Variants in GALNT13 observed in about 807,000 individuals in gnomAD.
The protein encoded by GALNT13 is UDP-GalNAc:polypeptide N-acetylgalactosaminyltransferase 13.
A neutral mutation model predicts 64.2 loss-of-function variants in GALNT13; 28 were observed. The ratio of observed to expected loss-of-function variants is 0.44; its 90% CI spans 0.32 to 0.60. The LOEUF (loss-of-function observed/expected upper bound fraction) is 0.60. GALNT13 is among the 20% of genes least tolerant of loss of function. GALNT13 has a pLI of 0.05. For synonymous variants in GALNT13, 214 were observed against 224.6 expected (o/e 0.95, Z 0.42); for missense variants, 577 against 669.8 (o/e 0.86, Z 1.53).
the GALNT13 span, among the ~76,000 whole-genome samples, chr2:153,733,287 A>T: frequency 6.6e-6 from 1 of 152,180 alleles, no homozygotes; most frequent in Admixed American, 6.6e-5. Flanking sequence ...TCATGTGTCC[A>T]TCGACGTAGA....
the GALNT13 span, among the ~76,000 whole-genome samples, chr2:153,774,467 A>T: frequency 6.6e-6 from 1 of 152,224 alleles, no homozygotes; most frequent in Non-Finnish European, 1.5e-5. Context: ...CAGAATGCAG[A>T]CTTCAAGTAA....
intron 9 of GALNT13, among the ~76,000 whole-genome samples, chr2:154,309,654 G>C (rs997770883): frequency 2.6e-5 from 4 of 152,162 alleles, no homozygotes; most frequent in Non-Finnish European, 5.9e-5. Flanking sequence ...ATTCATGAGA[G>C]ATCCACTCCC....
chr2:154,327,186 C>T (rs1418572262), intron 9 of GALNT13, among the ~76,000 whole-genome samples: 1 of 152,062 alleles, frequency 6.6e-6, no homozygotes, highest in East Asian at 1.9e-4. Flanking sequence ...CTTCCTCCTT[C>T]GTTCCTTTGT....
the GALNT13 span, among the ~76,000 whole-genome samples, chr2:153,156,957 G>A: frequency 6.6e-6 from 1 of 152,124 alleles, no homozygotes; most frequent in Non-Finnish European, 1.5e-5. Context: ...TTAGAGCTCT[G>A]TGAAGTGTCT....
intron 3 of GALNT13, among the ~76,000 whole-genome samples, chr2:153,954,989 G>A (rs1001490979): frequency 1.3e-4 from 20 of 150,872 alleles, no homozygotes; most frequent in African/African-American, 3.9e-4. Context: ...CACTGACTTC[G>A]GGTAAAAAAA....
At chr2:153,931,223 C>G (rs1690496002) in intron 2 of GALNT13, among the ~76,000 whole-genome samples, 1 of 149,884 alleles carries the variant, frequency 6.7e-6, no homozygotes, top group Admixed American at 6.7e-5. Context: ...TGAAATTGTT[C>G]ATCTGATCTA....
chr2:154,047,744 T>C (rs1451098964), intron 3 of GALNT13, among the ~76,000 whole-genome samples: 3 of 152,170 alleles, frequency 2.0e-5, no homozygotes, highest in Admixed American at 6.6e-5. Context: ...TATTGTGATA[T>C]TAACTTAAAG....
At chr2:154,285,579 T>C (rs1206654381) in intron 8 of GALNT13, among the ~76,000 whole-genome samples, 1 of 152,164 alleles carries the variant, frequency 6.6e-6, no homozygotes, top group Non-Finnish European at 1.5e-5. Flanking sequence ...GTCTATGTGT[T>C]TGTTTTTATG....
At chr2:153,997,202 G>C (rs1487879268) in intron 3 of GALNT13, among the ~76,000 whole-genome samples, 1 of 151,906 alleles carries the variant, frequency 6.6e-6, no homozygotes, top group Non-Finnish European at 1.5e-5. Context: ...TCTATTTTTT[G>C]AATGAATGCC....
chr2:153,798,436 A>G, the GALNT13 span, among the ~76,000 whole-genome samples: 1 of 152,212 alleles, frequency 6.6e-6, no homozygotes, highest in African/African-American at 2.4e-5. Flanking sequence ...TCATGTTTGC[A>G]TCACTGTCCA....
chr2:154,114,502 A>T (rs72871820), intron 3 of GALNT13, among the ~76,000 whole-genome samples: 10,899 of 152,218 alleles, frequency 0.072, 471 homozygotes, highest in Middle Eastern at 0.14. Context: ...TGAAATGCCT[A>T]TCATTTCTCT....
chr2:153,478,140 C>A, the GALNT13 span: 1 of 931,600 alleles, frequency 1.1e-6, no homozygotes, highest in Non-Finnish European at 1.6e-6. Context: ...TTGACTCCGA[C>A]AGGTTTGCTT....
At chr2:154,120,756 C>T (rs142695025) in intron 3 of GALNT13, among the ~76,000 whole-genome samples, 12 of 152,174 alleles carry the variant, frequency 7.9e-5, no homozygotes, top group South Asian at 2.1e-4. Context: ...GTTAAACTTC[C>T]CACCATATTT....
At chr2:153,856,503 A>G in the GALNT13 span, among the ~76,000 whole-genome samples, 1 of 152,138 alleles carries the variant, frequency 6.6e-6, no homozygotes, top group Non-Finnish European at 1.5e-5. Flanking sequence ...AGATTATCCA[A>G]ATGTTTCAAT....
intron 8 of GALNT13, among the ~76,000 whole-genome samples, chr2:154,300,847 C>T (rs903733613): frequency 6.6e-6 from 1 of 152,090 alleles, no homozygotes; most frequent in Non-Finnish European, 1.5e-5. Flanking sequence ...ATTACTAAAT[C>T]TCCCCCCAGA....
intron 9 of GALNT13, among the ~76,000 whole-genome samples, chr2:154,374,513 A>T: frequency 6.6e-6 from 1 of 152,212 alleles, no homozygotes; most frequent in East Asian, 1.9e-4. Flanking sequence ...AAACTTCAAA[A>T]TTGAGTAAGG....
chr2:154,446,558 T>G (rs1353840097), intron 12 of GALNT13: 1 of 1,525,818 alleles, frequency 6.6e-7, no homozygotes, highest in Non-Finnish European at 8.8e-7. Flanking sequence ...TTATTTTCTT[T>G]GTCAAACAGA....
At chr2:153,448,883 T>A in the GALNT13 span, among the ~76,000 whole-genome samples, 3 of 151,932 alleles carry the variant, frequency 2.0e-5, no homozygotes, top group African/African-American at 7.2e-5. Flanking sequence ...TGGGACCTCC[T>A]AGGAAGTAAT....
intron 3 of GALNT13, among the ~76,000 whole-genome samples, chr2:153,948,124 A>G (rs1229054037): frequency 6.6e-6 from 1 of 151,994 alleles, no homozygotes; most frequent in Admixed American, 6.6e-5. Context: ...TGATGCCTCT[A>G]GCTTTGTTCT....
Sources: gnomAD v4.1 joint callset for allele counts (sites outside exome capture counted in the v4.1 genomes callset) on GRCh38, gnomAD v4.1.1 for gene constraint, MANE v1.5 for transcripts, NCBI Gene and HGNC (gene_info 2026-07-23, HGNC 2026-07-21) for gene names.